SLCO3A1: variants seen among roughly 807,000 people sequenced by gnomAD.
The protein encoded by SLCO3A1 is PGE1 transporter.
In SLCO3A1, 27 loss-of-function variants were observed where a neutral mutation model predicts 63.1. The observed-to-expected ratio is 0.43, with a 90% CI of 0.32 to 0.59. The LOEUF (loss-of-function observed/expected upper bound fraction) is 0.59, where lower values mean the gene tolerates loss of function less well. Among genes scored for constraint, SLCO3A1 ranks in the 20% least tolerant of loss-of-function variants. The pLI, the probability that SLCO3A1 is intolerant of heterozygous loss-of-function variation, is 0.09. For missense variants in SLCO3A1, 773 were observed against 945.8 expected (o/e 0.82, Z 2.40); for synonymous variants, 473 against 409.9 (o/e 1.15, Z -1.86).
intron 2 of SLCO3A1, among the ~76,000 whole-genome samples, chr15:91,940,167 C>A (rs1368383792): frequency 6.6e-6 from 1 of 152,194 alleles, no homozygotes; most frequent in Non-Finnish European, 1.5e-5. Flanking sequence ...ATGACAGCAG[C>A]TCCTGCCTGG....
intron 7 of SLCO3A1, among the ~76,000 whole-genome samples, chr15:92,131,877 C>T (rs918767869): frequency 2.1e-5 from 3 of 146,074 alleles, no homozygotes; most frequent in Admixed American, 2.0e-4. Flanking sequence ...CCTGCAAACC[C>T]CTATTGCCCC....
At chr15:91,961,654 G>A (rs1900450474) in intron 2 of SLCO3A1, among the ~76,000 whole-genome samples, 1 of 152,162 alleles carries the variant, frequency 6.6e-6, no homozygotes, top group African/African-American at 2.4e-5. Flanking sequence ...CCTGCTTGTG[G>A]GTCTTCCCAT....
chr15:92,115,869 G>A (rs951352630), intron 4 of SLCO3A1, among the ~76,000 whole-genome samples: 2 of 145,788 alleles, frequency 1.4e-5, no homozygotes, highest in Non-Finnish European at 3.0e-5. Flanking sequence ...TGCCAGATCT[G>A]GTCATTTTCC....
rs1027338698 is a variant in SLCO3A1, at chr15:91,912,659, C to T, written c.181-3334C>T. Among the ~76,000 whole-genome samples, 2 of 152,176 alleles carry T rather than the reference C, an allele frequency of 1.3e-5. No homozygotes were observed. The highest frequency in any genetic ancestry group is 4.8e-5 in the African/African-American group (2 of 41,428). On this transcript the variant is annotated intron_variant, in intron 1 of 9. Transcript: ENST00000318445. This position sits in a 1 kb window ranked among gnomAD's most constrained non-coding sequence, Gnocchi z 5.0. ...GTTGTCTTGTGTGTATGTCATGAGGCATCATGGCAAAAATGAGATACAGCT... is the reference window on the plus strand; with the variant it reads ...GTTGTCTTGTGTGTATGTCATGAGGTATCATGGCAAAAATGAGATACAGCT...
At chr15:92,107,566 C>T (rs889716489) in intron 4 of SLCO3A1, among the ~76,000 whole-genome samples, 2 of 152,190 alleles carry the variant, frequency 1.3e-5, no homozygotes, top group African/African-American at 4.8e-5. Flanking sequence ...ATAAGCTGAA[C>T]GGCGTTGCAT....
Position 91,941,746 on chromosome 15 carries a change from A to G in SLCO3A1, c.646+25288A>G, listed in dbSNP as rs1042974876. 1.3e-5 allele frequency among the ~76,000 whole-genome samples: 2 copies of G among 151,956 alleles called. No individual in the cohort carries two copies. The highest frequency in any genetic ancestry group is 4.8e-5 in the African/African-American group (2 of 41,362). On this transcript the variant is annotated intron_variant, in intron 2 of 9. Coordinates refer to ENST00000318445, the MANE Select transcript of SLCO3A1 (RefSeq NM_013272.4). The surrounding 1 kb of genome is among the most constrained non-coding windows in gnomAD (Gnocchi z 4.4). ...AAATATCTTCTATTCATTAACCTTC[A>G]TGGAGCTTGTCTGTGTGCAACTTCA...
chr15:92,163,217 A>T lies in SLCO3A1; in HGVS notation c.*82A>T. ...AAAAAGAAAAAAAGGTTCCAAAAAA[A>T]ACCAAAACTCAGTACACACACACAG... On this transcript the variant is annotated 3_prime_UTR_variant, in exon 10 of 10. Coordinates refer to ENST00000318445, the MANE Select transcript of SLCO3A1 (RefSeq NM_013272.4). The T allele has an allele frequency of 6.9e-7, 1 of 1,449,938 alleles. No homozygotes were observed. The highest frequency in any genetic ancestry group is 2.6e-5 in the Admixed American group (1 of 38,270). 89.8% of individuals were successfully genotyped at this position (1,449,938 alleles called of 1,614,324 possible). A position where few individuals can be genotyped will look rare whatever the true frequency, so the allele number is the denominator to read the frequency against.
At position 91,885,924 on chromosome 15, in the gene SLCO3A1, A is replaced by G. The variant is rs1397925763; in HGVS notation, c.181-30069A>G. On this transcript the variant is annotated intron_variant, in intron 1 of 9. Coordinates refer to ENST00000318445, the MANE Select transcript of SLCO3A1 (RefSeq NM_013272.4). This position sits in a 1 kb window ranked among gnomAD's most constrained non-coding sequence, Gnocchi z 4.7. ...AGTGCAAAGGCCCTGGGGTTGAAAT[A>G]TGCTTGATGTGGTCGGGGAGTGGAA... Among the ~76,000 whole-genome samples the G allele has an allele frequency of 1.3e-5, 2 of 152,170 alleles. No individual in the cohort carries two copies.
At chr15:91,861,324 G>C (rs1444242015) in intron 1 of SLCO3A1, among the ~76,000 whole-genome samples, 2 of 152,124 alleles carry the variant, frequency 1.3e-5, no homozygotes, top group Non-Finnish European at 1.5e-5. Context: ...ACATTCCCTT[G>C]GATGTACACA....
Position 92,164,325 on chromosome 15 carries a change from G to C in SLCO3A1, c.*1190G>C, listed in dbSNP as rs781761576. 8.1e-6 allele frequency: 8 copies of C among 984,616 alleles called. No individual in the cohort carries two copies. Among genetic ancestry groups the C allele is most frequent in the East Asian group, 2.3e-4 (2 of 8,822 alleles). The allele number at this position is 984,616 out of a possible 1,614,324, so 61.0% of individuals were successfully genotyped here. ...ATGTGTTACAAGAAGAAAAAAAAAT[G>C]CTTCAAAAAGAGAGTGTATATGCAG... is the stretch of plus-strand genomic sequence containing the variant. On this transcript the variant is annotated 3_prime_UTR_variant, in exon 10 of 10. Coordinates refer to ENST00000318445, the MANE Select transcript of SLCO3A1 (RefSeq NM_013272.4).
At chr15:92,148,207 G>A (rs1364588614) in intron 8 of SLCO3A1, among the ~76,000 whole-genome samples, 1 of 152,220 alleles carries the variant, frequency 6.6e-6, no homozygotes, top group Non-Finnish European at 1.5e-5. Flanking sequence ...GCAAGACTCT[G>A]TCTCAGAGGG....
intron 7 of SLCO3A1, among the ~76,000 whole-genome samples, chr15:92,137,123 G>A (rs8026067): frequency 0.3 from 37,916 of 127,552 alleles, 5,883 homozygotes; most frequent in African/African-American, 0.36. Context: ...TCCCTCCCCC[G>A]TCCCCCCACC....
intron 8 of SLCO3A1, among the ~76,000 whole-genome samples, chr15:92,148,139 C>T (rs945911807): frequency 1.5e-4 from 23 of 152,194 alleles, no homozygotes; most frequent in African/African-American, 5.1e-4. Context: ...ACCCAGGAGG[C>T]GGAAGTTGCA....
intron 2 of SLCO3A1, among the ~76,000 whole-genome samples, chr15:91,919,951 G>A (rs1450999698): frequency 6.6e-6 from 1 of 152,146 alleles, no homozygotes; most frequent in Non-Finnish European, 1.5e-5. Context: ...GCTTTTCTAT[G>A]AAAATGTGTT....
At chr15:92,081,453 T>G (rs2047345456) in intron 2 of SLCO3A1, among the ~76,000 whole-genome samples, 1 of 151,984 alleles carries the variant, frequency 6.6e-6, no homozygotes, top group Non-Finnish European at 1.5e-5. Context: ...CACTGCAACC[T>G]CCACCTCACA....
intron 2 of SLCO3A1, among the ~76,000 whole-genome samples, chr15:91,957,157 A>T (rs1390552405): frequency 9.0e-5 from 4 of 44,482 alleles, no homozygotes; most frequent in African/African-American, 7.9e-4. Flanking sequence ...ATATATATAT[A>T]TATTTTTTTT....
At chr15:92,134,247 T>G (rs894534329) in intron 7 of SLCO3A1, among the ~76,000 whole-genome samples, 3 of 152,242 alleles carry the variant, frequency 2.0e-5, no homozygotes, top group African/African-American at 7.2e-5. Context: ...CCTGGCCCTG[T>G]CTGCCAGAGC....
At chr15:91,985,882 G>A (rs146947144) in intron 2 of SLCO3A1, among the ~76,000 whole-genome samples, 2 of 152,202 alleles carry the variant, frequency 1.3e-5, no homozygotes. Context: ...GCTGGTTCCT[G>A]TGGGCTTCCT....
chr15:92,073,263 T>A (rs991690053), intron 2 of SLCO3A1, among the ~76,000 whole-genome samples: 5 of 152,108 alleles, frequency 3.3e-5, no homozygotes, highest in African/African-American at 7.2e-5. Flanking sequence ...CTAAATGAGA[T>A]CCTTAGTTCT....
Sources: gnomAD v4.1 joint callset for allele counts (sites outside exome capture counted in the v4.1 genomes callset) on GRCh38, gnomAD v4.1.1 for gene constraint, Gnocchi (gnomAD v3.1) non-coding constraint, MANE v1.5 for transcripts, NCBI Gene and HGNC (gene_info 2026-07-23, HGNC 2026-07-21) for gene names.